The following FGF12 variants were observed in gnomAD, a reference collection of about 807,000 sequenced individuals.
FGF12 encodes fibroblast growth factor 12B.
FGF12 carries 14 observed loss-of-function variants against 23.6 expected under a neutral mutation model. The ratio of observed to expected loss-of-function variants is 0.59; its 90% CI spans 0.39 to 0.93. The LOEUF (loss-of-function observed/expected upper bound fraction) is 0.93, where lower values mean the gene tolerates loss of function less well. Among genes scored for constraint, FGF12 ranks in the 40% least tolerant of loss-of-function variants. The pLI, the probability that FGF12 is intolerant of heterozygous loss-of-function variation, is 0.00. For synonymous variants in FGF12, 62 were observed against 77.3 expected, an observed-to-expected ratio of 0.80 and a Z score of 1.04; for missense variants, 175 against 217.8, an observed-to-expected ratio of 0.80 and a Z score of 1.24.
At chr3:192,214,578 C>T (rs906625627) in intron 4 of FGF12, among the ~76,000 whole-genome samples, 1 of 152,170 alleles carries the variant, frequency 6.6e-6, no homozygotes, top group African/African-American at 2.4e-5. Flanking sequence ...GCTTCCAGAT[C>T]AGTCACATTT....
chr3:192,184,865 A>G (rs1487226033), intron 4 of FGF12, among the ~76,000 whole-genome samples: 11 of 152,354 alleles, frequency 7.2e-5, no homozygotes, highest in African/African-American at 2.4e-4. Flanking sequence ...ATTCAGATAT[A>G]TGTGGATAAT....
intron 2 of FGF12, among the ~76,000 whole-genome samples, chr3:192,672,468 C>T (rs1023048161): frequency 2.7e-5 from 4 of 150,724 alleles, no homozygotes; most frequent in African/African-American, 9.7e-5. Flanking sequence ...CCTCAAATTC[C>T]TGCACACGTA....
At chr3:192,427,433 C>T (rs560370300) in intron 2 of FGF12, among the ~76,000 whole-genome samples, 1 of 151,652 alleles carries the variant, frequency 6.6e-6, no homozygotes, top group South Asian at 2.1e-4. Flanking sequence ...TTAACACTTT[C>T]TCATGATGTA....
At chr3:192,272,149 C>T (rs929673090) in intron 4 of FGF12, among the ~76,000 whole-genome samples, 1 of 152,146 alleles carries the variant, frequency 6.6e-6, no homozygotes, top group African/African-American at 2.4e-5. Flanking sequence ...TCCTTGGAGT[C>T]ATCTGAAAAT....
Position 192,674,163 on chromosome 3 carries a change from AT to A in FGF12, c.13+53017del, listed in dbSNP as rs200782303. On this transcript the variant is annotated intron_variant, in intron 2 of 5. Transcript: ENST00000445105. ...CCCTAGAACAACCCATGGGGTAGTTATTAACCTTGTGACAAATTATTATGTA... is the reference window on the plus strand; with the variant it reads ...CCCTAGAACAACCCATGGGGTAGTTATAACCTTGTGACAAATTATTATGTA... Among the ~76,000 whole-genome samples the A allele has an allele frequency of 6.3e-3, 875 of 139,268 alleles. 19 individuals carry two copies. The highest frequency in any genetic ancestry group is 0.02 in the African/African-American group (792 of 40,564). 91.4% of individuals were successfully genotyped at this position (139,268 alleles called of 152,430 possible).
At chr3:192,662,092 C>G (rs970731306) in intron 2 of FGF12, among the ~76,000 whole-genome samples, 1 of 151,958 alleles carries the variant, frequency 6.6e-6, no homozygotes, top group East Asian at 1.9e-4. Context: ...CATTCACCAG[C>G]GTATGTCCAA....
At chr3:192,290,998 ATG>A (rs1352664794) in intron 4 of FGF12, among the ~76,000 whole-genome samples, 2 of 152,176 alleles carry the variant, frequency 1.3e-5, no homozygotes, top group Non-Finnish European at 1.5e-5. Context: ...CTATGCATAT[ATG>A]TGTGTGTATT....
intron 2 of FGF12, among the ~76,000 whole-genome samples, chr3:192,650,039 T>A (rs1414470200): frequency 6.6e-6 from 1 of 152,338 alleles, no homozygotes; most frequent in African/African-American, 2.4e-5. Context: ...GTTCTCTCTC[T>A]CACAGACTTC....
intron 2 of FGF12, among the ~76,000 whole-genome samples, chr3:192,577,836 A>G (rs1031695116): frequency 6.6e-6 from 1 of 151,628 alleles, no homozygotes; most frequent in African/African-American, 2.4e-5. Flanking sequence ...TTGAATAAAC[A>G]TGTATTTATC....
chr3:192,190,914 T>G (rs930651081), intron 4 of FGF12, among the ~76,000 whole-genome samples: 1 of 152,194 alleles, frequency 6.6e-6, no homozygotes, highest in Non-Finnish European at 1.5e-5. Flanking sequence ...TGCAACGGAT[T>G]ATTATTTATG....
At chr3:192,642,531 C>T (rs555061026) in intron 2 of FGF12, among the ~76,000 whole-genome samples, 1 of 152,266 alleles carries the variant, frequency 6.6e-6, no homozygotes, top group Admixed American at 6.5e-5. Context: ...TTGTCTCTGG[C>T]CAAAGAAGAA....
chr3:192,270,819 A>AGAAG lies in FGF12; in HGVS notation c.228+64538_228+64541dup, dbSNP rs1156584767. On this transcript the variant is annotated intron_variant, in intron 4 of 5. Transcript: ENST00000445105. ...AGGAAGGAAGGAAGGAAGGAAGGAAAGAAGGAAGGAAGGAAGGAAGATAAA... is the reference window on the plus strand; with the variant it reads ...AGGAAGGAAGGAAGGAAGGAAGGAAAGAAGGAAGGAAGGAAGGAAGGAAGATAAA... Among the ~76,000 whole-genome samples the AGAAG allele has an allele frequency of 3.2e-3, 357 of 113,044 alleles. 1 individual carries two copies. Among genetic ancestry groups the AGAAG allele is most frequent in the African/African-American group, 0.011 (326 of 29,396 alleles). The allele number at this position is 113,044 out of a possible 152,430, so 74.2% of individuals were successfully genotyped here.
chr3:192,592,599 G>T (rs556970543), intron 2 of FGF12, among the ~76,000 whole-genome samples: 1 of 151,984 alleles, frequency 6.6e-6, no homozygotes, highest in East Asian at 1.9e-4. Flanking sequence ...TCGCCCAGTT[G>T]TTGCTCCTCT....
At chr3:192,581,825 T>C (rs1277917076) in intron 2 of FGF12, among the ~76,000 whole-genome samples, 2 of 152,204 alleles carry the variant, frequency 1.3e-5, no homozygotes, top group African/African-American at 2.4e-5. Flanking sequence ...AATTACTCAA[T>C]GTGCTGAGCA....
rs567603785 is a variant in FGF12 at position 192,556,369 on chromosome 3, C to T, written c.13+170812G>A. Among the ~76,000 whole-genome samples, 3 of 152,128 alleles carry T rather than the reference C, an allele frequency of 2.0e-5. No individual in the cohort carries two copies. The South Asian group carries it at 6.2e-4, about 32-fold the overall frequency. On this transcript the variant is annotated intron_variant, in intron 2 of 5. Transcript: ENST00000445105. The stretch of plus-strand genomic sequence containing the variant: ...GATAAGCAAAGAGAATCATGGTAAC[C>T]ATATTTATTTAAGGCAAAATAGACT...
intron 4 of FGF12, among the ~76,000 whole-genome samples, chr3:192,327,263 T>C (rs1560071357): frequency 6.6e-6 from 1 of 152,184 alleles, no homozygotes; most frequent in Non-Finnish European, 1.5e-5. Context: ...AGCACAGCCA[T>C]TAATATTGTT....
At chr3:192,625,217 G>C (rs764636954) in intron 2 of FGF12, among the ~76,000 whole-genome samples, 73 of 152,200 alleles carry the variant, frequency 4.8e-4, no homozygotes, top group Non-Finnish European at 7.1e-4. Flanking sequence ...ATCAAAATAT[G>C]TATATCTGTA....
At chr3:192,162,274 C>G (rs1350045940) in intron 5 of FGF12, among the ~76,000 whole-genome samples, 1 of 152,032 alleles carries the variant, frequency 6.6e-6, no homozygotes, top group Non-Finnish European at 1.5e-5. Context: ...TGGGAGAATT[C>G]TAAGTGCTAG....
chr3:192,518,908 C>T (rs984511310), intron 2 of FGF12, among the ~76,000 whole-genome samples: 6 of 151,750 alleles, frequency 4.0e-5, no homozygotes, highest in Admixed American at 2.6e-4. Context: ...TCTTCTTCCT[C>T]CTTCTCCTTC....
Sources: gnomAD v4.1 joint callset for allele counts (sites outside exome capture counted in the v4.1 genomes callset) on GRCh38, gnomAD v4.1.1 for gene constraint, MANE v1.5 for transcripts, NCBI Gene and HGNC (gene_info 2026-07-23, HGNC 2026-07-21) for gene names.